Variants in ERICH3 observed in about 807,000 individuals in gnomAD.
The protein encoded by ERICH3 is glutamate rich 3, also known as glutamate-rich protein 3.
ERICH3 carries 126 observed loss-of-function variants against 131.1 expected under a neutral mutation model. The ratio of observed to expected loss-of-function variants is 0.96; its 90% CI spans 0.83 to 1.11. The LOEUF (loss-of-function observed/expected upper bound fraction) is 1.11. Among genes scored for constraint, ERICH3 ranks in the 50% most tolerant of loss-of-function variants. The probability of loss-of-function intolerance (pLI) is 0.00; values close to 1 mark genes in which losing one functional copy is unlikely to be tolerated. For missense variants in ERICH3, 2,050 were observed against 1,810.7 expected, an observed-to-expected ratio of 1.13 and a Z score of -2.40; for synonymous variants, 695 against 644.6, an observed-to-expected ratio of 1.08 and a Z score of -1.18.
At chr1:74,633,996 C>T (rs922069238) in intron 6 of ERICH3, among the ~76,000 whole-genome samples, 2 of 148,736 alleles carry the variant, frequency 1.3e-5, no homozygotes, top group Non-Finnish European at 1.5e-5. Context: ...AAGACTCTCA[C>T]TCCTGCTACT....
At chr1:74,586,334 T>C (rs1647329295) in intron 12 of ERICH3, 5 of 868,862 alleles carry the variant, frequency 5.8e-6, no homozygotes, top group Non-Finnish European at 2.8e-6. Context: ...TGTATATGTA[T>C]CTTTGTAATA....
At chr1:74,648,335 C>A (rs74475548) in intron 2 of ERICH3, among the ~76,000 whole-genome samples, 4,238 of 152,188 alleles carry the variant, frequency 0.028, 201 homozygotes, top group African/African-American at 0.097. Flanking sequence ...ACTGCCACGA[C>A]AATTCTGAGA....
At chr1:74,601,309 T>C (rs1299907245) in intron 10 of ERICH3, among the ~76,000 whole-genome samples, 1 of 151,868 alleles carries the variant, frequency 6.6e-6, no homozygotes, top group Middle Eastern at 3.2e-3. Flanking sequence ...AGCCTATTTT[T>C]TGAGAATCTT....
chr1:74,639,792 A>T (rs7530327), intron 5 of ERICH3, among the ~76,000 whole-genome samples: 65,042 of 151,980 alleles, frequency 0.43, 14,960 homozygotes, highest in Non-Finnish European at 0.52. Flanking sequence ...TTATTCACTT[A>T]AAAAAGTTAA....
At chr1:74,649,443 T>C (rs1163656066) in intron 1 of ERICH3, 128 bp from the exon 2 acceptor site, 1 of 609,250 alleles carries the variant, frequency 1.6e-6, no homozygotes, top group Non-Finnish European at 2.8e-6. Context: ...TTCATATATG[T>C]GTTTAATAAA....
chr1:74,577,901 T>C (rs1485544155), intron 12 of ERICH3, among the ~76,000 whole-genome samples: 1 of 152,254 alleles, frequency 6.6e-6, no homozygotes, highest in Non-Finnish European at 1.5e-5. Context: ...GACTAAACTA[T>C]GAGCATTTCA....
chr1:74,574,606 C>A (rs563421370), intron 13 of ERICH3, among the ~76,000 whole-genome samples: 1 of 152,226 alleles, frequency 6.6e-6, no homozygotes, highest in South Asian at 2.1e-4. Flanking sequence ...CTTTGCAGAC[C>A]GGGACAGTTT....
chr1:74,666,424 A>G (rs1646693593), intron 1 of ERICH3, among the ~76,000 whole-genome samples: 1 of 152,156 alleles, frequency 6.6e-6, no homozygotes, highest in Non-Finnish European at 1.5e-5. Flanking sequence ...AAAAATTTTT[A>G]ATCCTAATAC....
intron 3 of ERICH3, among the ~76,000 whole-genome samples, chr1:74,645,068 G>A (rs988167609): frequency 6.6e-6 from 1 of 151,790 alleles, no homozygotes; most frequent in Non-Finnish European, 1.5e-5. Context: ...CATTTTCACA[G>A]GATCCCTCAC....
At chr1:74,609,031 G>A (rs996139621) in intron 9 of ERICH3, among the ~76,000 whole-genome samples, 23 of 151,986 alleles carry the variant, frequency 1.5e-4, no homozygotes, top group African/African-American at 4.1e-4. Flanking sequence ...TGCTCTCCTC[G>A]TCACTGACTA....
chr1:74,638,109 A>G (rs182205288), intron 5 of ERICH3, among the ~76,000 whole-genome samples: 1 of 152,290 alleles, frequency 6.6e-6, no homozygotes, highest in East Asian at 1.9e-4. Flanking sequence ...GTGAACAACA[A>G]ATATTCAGCT....
chr1:74,632,224 T>C (rs1018535298), intron 6 of ERICH3, among the ~76,000 whole-genome samples: 6 of 152,098 alleles, frequency 3.9e-5, no homozygotes, highest in Non-Finnish European at 8.8e-5. Context: ...CTAAACAATT[T>C]AAAATCAAGA....
At chr1:74,585,751 A>AT (rs1647296532) in intron 12 of ERICH3, among the ~76,000 whole-genome samples, 1 of 151,872 alleles carries the variant, frequency 6.6e-6, no homozygotes, top group East Asian at 1.9e-4. Context: ...ATCTAAGTAC[A>AT]ATATATATGT....
intron 13 of ERICH3, among the ~76,000 whole-genome samples, chr1:74,575,912 T>C (rs1012479755): frequency 6.7e-6 from 1 of 148,216 alleles, no homozygotes; most frequent in Non-Finnish European, 1.5e-5. Context: ...GAAATATTAG[T>C]ATAAAAACAT....
chr1:74,590,980 A>C (rs1647570984), intron 11 of ERICH3, among the ~76,000 whole-genome samples: 1 of 152,176 alleles, frequency 6.6e-6, no homozygotes, highest in Non-Finnish European at 1.5e-5. Flanking sequence ...TTTTAAAAAA[A>C]TTTATTTCAT....
rs1275338953 is a variant in ERICH3, at chr1:74,571,164, C to T, written c.4546G>A (p.Gly1516Arg). 2 of 1,614,118 alleles carry T rather than the reference C, an allele frequency of 1.2e-6. No homozygotes were observed. The highest frequency in any genetic ancestry group is 1.7e-6 in the Non-Finnish European group (2 of 1,179,990). ...GAAACATCTGCAGTCTCGCTTTCTC[C>T]TTGCACCATATGCTGTTGCTTCTCT... ...TREKQQHMVQGESETADVSPN... is the reference protein window; with the variant it reads ...TREKQQHMVQRESETADVSPN... Residue 1516 changes from glycine (G) to arginine (R), a missense_variant, in exon 14 of 15, where the codon GGA becomes AGA. By Grantham distance (125) the Gly-to-Arg change is moderately radical (BLOSUM62 -2). Coordinates refer to ENST00000326665, the MANE Select transcript of ERICH3 (RefSeq NM_001002912.5).
intron 1 of ERICH3, among the ~76,000 whole-genome samples, chr1:74,657,310 G>T (rs1646594268): frequency 6.6e-6 from 1 of 152,034 alleles, no homozygotes; most frequent in South Asian, 2.1e-4. Context: ...TTCCCAGGGA[G>T]GCAGAAAAGT....
intron 1 of ERICH3, among the ~76,000 whole-genome samples, chr1:74,654,888 G>T (rs61511907): frequency 5.9e-5 from 9 of 152,230 alleles, no homozygotes; most frequent in Non-Finnish European, 1.0e-4. Flanking sequence ...GCACTCATCA[G>T]GTCTTGCTAA....
chr1:74,573,859 T>TTC (rs992599333), intron 13 of ERICH3, among the ~76,000 whole-genome samples: 1 of 151,552 alleles, frequency 6.6e-6, no homozygotes, highest in Middle Eastern at 3.2e-3. Context: ...GGCTTCCTCT[T>TTC]TCTCTCTCTC....
Sources: gnomAD v4.1 joint callset for allele counts (sites outside exome capture counted in the v4.1 genomes callset) on GRCh38, gnomAD v4.1.1 for gene constraint, MANE v1.5 for transcripts, NCBI Gene and HGNC (gene_info 2026-07-23, HGNC 2026-07-21) for gene names.